Variants in MROH2B observed in about 807,000 individuals in gnomAD.
The protein encoded by MROH2B is maestro heat like repeat family member 2B, also known as maestro heat-like repeat-containing protein family member 2B.
In MROH2B, 177 loss-of-function variants were observed where a neutral mutation model predicts 208.6. The ratio of observed to expected loss-of-function variants is 0.85; its 90% CI spans 0.75 to 0.96. The LOEUF is 0.96. Ranked by LOEUF, MROH2B falls within the 40% of genes least tolerant of loss-of-function variation. The pLI is 0.00. For missense variants in MROH2B, 2,002 were observed against 1,878.7 expected (o/e 1.07, Z -1.21); for synonymous variants, 728 against 659.0 (o/e 1.10, Z -1.60).
intron 3 of MROH2B, among the ~76,000 whole-genome samples, chr5:41,065,850 C>G (rs951837431): frequency 6.6e-6 from 1 of 152,164 alleles, no homozygotes; most frequent in Non-Finnish European, 1.5e-5. Context: ...TTTCTAGCAG[C>G]CTGTTCTCTA....
At chr5:41,005,672 C>T (rs764302580) in intron 34 of MROH2B, 27 bp from the exon 35 acceptor site, 6 of 1,538,440 alleles carry the variant, frequency 3.9e-6, no homozygotes, top group Non-Finnish European at 5.4e-6. Flanking sequence ...TTAGCAGAGA[C>T]ATATTTTACT....
intron 2 of MROH2B, among the ~76,000 whole-genome samples, chr5:41,067,619 C>T (rs558278300): frequency 1.9e-4 from 29 of 152,238 alleles, no homozygotes; most frequent in Admixed American, 6.5e-4. Flanking sequence ...CCACTTGCCT[C>T]GGTCTCCCAA....
chr5:41,003,618 GA>G (rs1741477117), intron 37 of MROH2B, among the ~76,000 whole-genome samples: 1 of 152,116 alleles, frequency 6.6e-6, no homozygotes, highest in Non-Finnish European at 1.5e-5. Context: ...GATGAATAAT[GA>G]AAGAAATGAA....
In MROH2B at chr5:41,004,270, C is replaced by T. The variant is rs1579899431; in HGVS notation, c.4194+76G>A. The T allele has an allele frequency of 7.3e-6, 11 of 1,512,624 alleles. No individual in the cohort carries two copies. In the East Asian group the frequency reaches 2.3e-4, roughly 31 times the overall value. 93.7% of individuals were successfully genotyped at this position (1,512,624 alleles called of 1,614,324 possible). On this transcript the variant is annotated intron_variant, in intron 37 of 41. Coordinates refer to ENST00000399564, the MANE Select transcript of MROH2B (RefSeq NM_173489.5). ...AATATGGGTGGGACACTGACAATGT[C>T]TTCTGTGAGCACTACCTAAACCTGT...
At chr5:41,033,703 G>A (rs1041097639) in intron 22 of MROH2B, 135 bp downstream of exon 22, 26 of 695,208 alleles carry the variant, frequency 3.7e-5, no homozygotes, top group African/African-American at 3.4e-4. Flanking sequence ...CTTCAGAATT[G>A]GATTGTTACA....
chr5:41,037,627 T>G (rs918477451), intron 21 of MROH2B, among the ~76,000 whole-genome samples: 1 of 152,210 alleles, frequency 6.6e-6, no homozygotes, highest in Non-Finnish European at 1.5e-5. Flanking sequence ...AGAGCACTTA[T>G]GCATCAACAT....
intron 17 of MROH2B, among the ~76,000 whole-genome samples, chr5:41,046,501 T>C (rs1743125014): frequency 1.3e-5 from 2 of 152,108 alleles, no homozygotes; most frequent in South Asian, 4.1e-4. Flanking sequence ...CTATATTTTT[T>C]CAACTTTAAG....
At chr5:41,014,227 T>G (rs781173810) in intron 29 of MROH2B, among the ~76,000 whole-genome samples, 1 of 152,200 alleles carries the variant, frequency 6.6e-6, no homozygotes, top group Non-Finnish European at 1.5e-5. Flanking sequence ...ATGAATGATG[T>G]TGTCTTACAT....
chr5:41,042,528 C>T (rs894859280), intron 18 of MROH2B, among the ~76,000 whole-genome samples: 1 of 152,132 alleles, frequency 6.6e-6, no homozygotes, highest in African/African-American at 2.4e-5. Context: ...TCATTATTTC[C>T]ACTGTATAGT....
At chr5:41,018,275 C>T (rs1158872206) in intron 27 of MROH2B, 66 bp downstream of exon 27, 1 of 1,480,218 alleles carries the variant, frequency 6.8e-7, no homozygotes, top group African/African-American at 1.4e-5. Context: ...TTTTGGATTC[C>T]AGAGATCTCA....
At chr5:41,029,742 A>G (rs909660300) in intron 24 of MROH2B, among the ~76,000 whole-genome samples, 4 of 152,134 alleles carry the variant, frequency 2.6e-5, no homozygotes, top group African/African-American at 9.7e-5. Flanking sequence ...ACAGGCAACA[A>G]AAGTAAAAAT....
intron 33 of MROH2B, among the ~76,000 whole-genome samples, chr5:41,008,314 G>C (rs1741658296): frequency 6.6e-6 from 1 of 151,874 alleles, no homozygotes; most frequent in African/African-American, 2.4e-5. Context: ...CAAGATTCCA[G>C]CCTCTCTAGA....
intron 24 of MROH2B, among the ~76,000 whole-genome samples, chr5:41,025,729 C>T (rs1561286534): frequency 6.6e-6 from 1 of 151,492 alleles, no homozygotes; most frequent in Non-Finnish European, 1.5e-5. Flanking sequence ...AGAGACACAA[C>T]AAAAAAAAGA....
At chr5:41,049,051 TC>T (rs1561299998) in intron 15 of MROH2B, 49 bp downstream of exon 15, 1 of 1,536,932 alleles carries the variant, frequency 6.5e-7, no homozygotes, top group Non-Finnish European at 8.8e-7. Context: ...AACTGAACTA[TC>T]CTTATCAGCT....
Position 41,045,733 on chromosome 5 carries a change from C to A in MROH2B, c.1836+13G>T, listed in dbSNP as rs6864243. On this transcript the variant is annotated intron_variant, in intron 18 of 41. Coordinates refer to ENST00000399564, the MANE Select transcript of MROH2B (RefSeq NM_173489.5). ...GGTAAAAGCTAAGGTTTCCCCTCAG[C>A]TGAAAAACCAACCTTCTCAGTGGAG... The A allele has an allele frequency of 6.2e-7, 1 of 1,607,604 alleles. No homozygotes were observed. The highest frequency in any genetic ancestry group is 8.5e-7 in the Non-Finnish European group (1 of 1,174,992).
At chr5:41,021,713 A>G (rs1742155022) in intron 24 of MROH2B, among the ~76,000 whole-genome samples, 1 of 152,006 alleles carries the variant, frequency 6.6e-6, no homozygotes, top group Non-Finnish European at 1.5e-5. Context: ...CCATGTCTCT[A>G]TAAAAATAGA....
chr5:41,004,734 T>C (rs762280994), intron 36 of MROH2B, 40 bp downstream of exon 36: 1 of 1,588,680 alleles, frequency 6.3e-7, no homozygotes, highest in South Asian at 1.1e-5. Context: ...ATTTCAAAAC[T>C]CTACTTAAAT....
chr5:41,034,194 C>T (rs1742677927), intron 21 of MROH2B: 1 of 425,236 alleles, frequency 2.4e-6, no homozygotes, highest in African/African-American at 2.1e-5. Context: ...GGTAAAGGCT[C>T]TTAGGGAAAT....
intron 39 of MROH2B, 127 bp from the exon 40 acceptor site, chr5:40,999,906 G>T: frequency 1.2e-6 from 1 of 812,106 alleles, no homozygotes; most frequent in Non-Finnish European, 1.9e-6. Context: ...AAATTAATTG[G>T]CTGAAAATTG....
Sources: gnomAD v4.1 joint callset for allele counts (sites outside exome capture counted in the v4.1 genomes callset) on GRCh38, gnomAD v4.1.1 for gene constraint, MANE v1.5 for transcripts, NCBI Gene and HGNC (gene_info 2026-07-23, HGNC 2026-07-21) for gene names.